Variants in VASH2 observed in about 807,000 individuals in gnomAD.
VASH2 encodes vasohibin 2, also known as tubulinyl-Tyr carboxypeptidase 2.
Under a neutral mutation model 37.2 loss-of-function variants are expected in VASH2, and 28 were observed. The ratio of observed to expected loss-of-function variants is 0.75; its 90% CI spans 0.56 to 1.03. VASH2 has a LOEUF of 1.03. VASH2 is among the 50% of genes least tolerant of loss of function. The probability of loss-of-function intolerance (pLI) is 0.00; values close to 1 mark genes in which losing one functional copy is unlikely to be tolerated. For missense variants in VASH2, 419 were observed against 459.1 expected (o/e 0.91, Z 0.80); for synonymous variants, 188 against 174.7 (o/e 1.08, Z -0.60).
rs1202981684 is a variant in VASH2, at chr1:212,988,453, T to G, written c.996-59T>G. 4 of 1,560,364 alleles carry G rather than the reference T, an allele frequency of 2.6e-6. No homozygotes were observed. The South Asian group carries it at 3.4e-5, about 13-fold the overall frequency. Reference sequence around the variant, plus strand: ...ACCGAGTAGAGGACCTTGAAAATGCTGTTGTCTTTCTTTGCCCCATCCCCT... The same window carrying G: ...ACCGAGTAGAGGACCTTGAAAATGCGGTTGTCTTTCTTTGCCCCATCCCCT... On this transcript the variant is annotated intron_variant, in intron 7 of 7. Coordinates refer to ENST00000517399, the MANE Select transcript of VASH2 (RefSeq NM_001301056.2).
intron 5 of VASH2, among the ~76,000 whole-genome samples, chr1:212,966,684 T>G (rs1666859822): frequency 6.6e-6 from 1 of 152,154 alleles, no homozygotes; most frequent in Non-Finnish European, 1.5e-5. Flanking sequence ...TTTGCATTAA[T>G]ATGACATTGC....
At chr1:212,974,821 G>C (rs1332484914) in intron 7 of VASH2, 1 of 152,238 alleles carries the variant, frequency 6.6e-6, no homozygotes, top group Non-Finnish European at 1.5e-5. Context: ...AGTGCACAGG[G>C]GGCTTGGTTG....
At chr1:212,964,081 C>T (rs565457215) in intron 3 of VASH2, among the ~76,000 whole-genome samples, 1 of 152,142 alleles carries the variant, frequency 6.6e-6, no homozygotes, top group African/African-American at 2.4e-5. Context: ...AACTGGTGAT[C>T]TTGGGAGGCC....
intron 5 of VASH2, among the ~76,000 whole-genome samples, chr1:212,969,925 T>C (rs1331286686): frequency 6.6e-6 from 1 of 152,230 alleles, no homozygotes; most frequent in Non-Finnish European, 1.5e-5. Flanking sequence ...GATTCATTAG[T>C]TCTGAGCCAC....
chr1:212,964,779 C>T (rs767133223), intron 3 of VASH2, among the ~76,000 whole-genome samples: 2 of 152,192 alleles, frequency 1.3e-5, no homozygotes, highest in African/African-American at 2.4e-5. Context: ...TGCTTCCATC[C>T]GTCCCCATCC....
At chr1:212,970,773 C>G (rs1363322699) in intron 5 of VASH2, among the ~76,000 whole-genome samples, 5 of 151,974 alleles carry the variant, frequency 3.3e-5, no homozygotes, top group Non-Finnish European at 7.4e-5. Flanking sequence ...GCCTGTAATT[C>G]CAGCTACTCA....
At chr1:212,969,066 TC>T in intron 5 of VASH2, 1 of 985,466 alleles carries the variant, frequency 1.0e-6, no homozygotes, top group Non-Finnish European at 1.2e-6. Context: ...CTCGTGGTTT[TC>T]CTTTGTTCTT....
At chr1:212,961,656 G>A (rs1666681251) in intron 3 of VASH2, among the ~76,000 whole-genome samples, 1 of 152,168 alleles carries the variant, frequency 6.6e-6, no homozygotes, top group Admixed American at 6.5e-5. Context: ...AGGATGGAGG[G>A]CGTTGGCGCA....
intron 5 of VASH2, among the ~76,000 whole-genome samples, chr1:212,970,061 G>C (rs995575367): frequency 7.9e-5 from 12 of 152,298 alleles, no homozygotes; most frequent in African/African-American, 2.9e-4. Flanking sequence ...GCCATGGTGG[G>C]GCTTGCTTGT....
intron 7 of VASH2, among the ~76,000 whole-genome samples, chr1:212,977,314 C>T (rs76960390): frequency 9.5e-4 from 144 of 152,222 alleles, no homozygotes; most frequent in African/African-American, 3.3e-3. Context: ...TGTAAGGGGA[C>T]GGGGGACTTA....
chr1:212,959,097 G>A (rs1457784649), intron 2 of VASH2, among the ~76,000 whole-genome samples: 3 of 152,078 alleles, frequency 2.0e-5, no homozygotes, highest in Non-Finnish European at 2.9e-5. Context: ...TCTCTCGTTC[G>A]TTCGTACAGG....
intron 6 of VASH2, 66 bp downstream of exon 6, chr1:212,973,027 C>T (rs1421028906): frequency 1.6e-5 from 25 of 1,555,550 alleles, no homozygotes; most frequent in Non-Finnish European, 2.0e-5. Flanking sequence ...CTCTCTGTCT[C>T]TTGCTCCAGG....
chr1:212,952,384 A>C, intron 2 of VASH2: 1 of 151,228 alleles, frequency 6.6e-6, no homozygotes, highest in Non-Finnish European at 1.5e-5. Context: ...AGTGACTTTC[A>C]CCTCTGAAAC....
chr1:212,970,213 C>T (rs1473401392), intron 5 of VASH2, among the ~76,000 whole-genome samples: 1 of 152,228 alleles, frequency 6.6e-6, no homozygotes, highest in Non-Finnish European at 1.5e-5. Flanking sequence ...GGTCAGGTTA[C>T]TCCCCTGCCT....
At chr1:212,980,012 G>A (rs1442375694) in intron 7 of VASH2, among the ~76,000 whole-genome samples, 1 of 152,158 alleles carries the variant, frequency 6.6e-6, no homozygotes, top group Non-Finnish European at 1.5e-5. Context: ...AGTGTGGTGG[G>A]AGGTGGAAGC....
At chr1:212,978,343 C>T (rs1667239843) in intron 7 of VASH2, among the ~76,000 whole-genome samples, 1 of 152,240 alleles carries the variant, frequency 6.6e-6, no homozygotes, top group South Asian at 2.1e-4. Flanking sequence ...CCCTCCTACC[C>T]TGCCAGCACA....
chr1:212,969,580 T>C (rs1382645404), intron 5 of VASH2, among the ~76,000 whole-genome samples: 1 of 152,194 alleles, frequency 6.6e-6, no homozygotes, highest in Non-Finnish European at 1.5e-5. Flanking sequence ...TTTGTATTTT[T>C]AGTAGAGATG....
intron 7 of VASH2, among the ~76,000 whole-genome samples, chr1:212,976,627 A>G (rs1385993831): frequency 1.3e-5 from 2 of 152,138 alleles, no homozygotes; most frequent in Non-Finnish European, 2.9e-5. Flanking sequence ...GAGCCAGAAC[A>G]GAAGATGGAA....
At chr1:212,963,294 A>C (rs1457276059) in intron 3 of VASH2, among the ~76,000 whole-genome samples, 1 of 152,226 alleles carries the variant, frequency 6.6e-6, no homozygotes, top group East Asian at 1.9e-4. Context: ...AGAGAAGGGA[A>C]GCACCAGCAG....
Sources: gnomAD v4.1 joint callset for allele counts (sites outside exome capture counted in the v4.1 genomes callset) on GRCh38, gnomAD v4.1.1 for gene constraint, MANE v1.5 for transcripts, NCBI Gene and HGNC (gene_info 2026-07-23, HGNC 2026-07-21) for gene names.